CSMD1: variants seen among roughly 807,000 people sequenced by gnomAD.
CSMD1 encodes CUB and Sushi multiple domains 1.
In CSMD1, 213 loss-of-function variants were observed where a neutral mutation model predicts 417.5. The ratio of observed to expected loss-of-function variants is 0.51; its 90% CI spans 0.46 to 0.57. The LOEUF (loss-of-function observed/expected upper bound fraction) is 0.57. Ranked by LOEUF, CSMD1 falls within the 20% of genes least tolerant of loss-of-function variation. The pLI, the probability that CSMD1 is intolerant of heterozygous loss-of-function variation, is 0.00. For synonymous variants in CSMD1, 2,862 were observed against 1,736.8 expected, an observed-to-expected ratio of 1.65 and a Z score of -16.11; for missense variants, 6,923 against 4,529.7, an observed-to-expected ratio of 1.53 and a Z score of -15.17.
chr8:4,195,729 A>G (rs1799298350), intron 3 of CSMD1, among the ~76,000 whole-genome samples: 2 of 152,210 alleles, frequency 1.3e-5, no homozygotes, highest in East Asian at 1.9e-4. Context: ...CCCAGACAGC[A>G]AAACGTCGGG....
At chr8:3,370,380 C>CG (rs1189228993) in intron 18 of CSMD1, among the ~76,000 whole-genome samples, 1 of 152,174 alleles carries the variant, frequency 6.6e-6, no homozygotes. Context: ...CCATGTGCTC[C>CG]GGGTCTTGCT....
At chr8:4,203,456 TTTC>T (rs1270104669) in intron 3 of CSMD1, among the ~76,000 whole-genome samples, 1 of 152,192 alleles carries the variant, frequency 6.6e-6, no homozygotes, top group East Asian at 1.9e-4. Flanking sequence ...CCAATGTGCT[TTTC>T]TTCTTTCTAT....
intron 3 of CSMD1, among the ~76,000 whole-genome samples, chr8:4,317,484 T>A (rs1320585607): frequency 1.3e-5 from 2 of 152,194 alleles, no homozygotes; most frequent in East Asian, 1.9e-4. Flanking sequence ...GGCATGTACA[T>A]GCACAATCAC....
At chr8:3,925,812 G>A (rs1287620583) in intron 5 of CSMD1, among the ~76,000 whole-genome samples, 1 of 151,944 alleles carries the variant, frequency 6.6e-6, no homozygotes, top group African/African-American at 2.4e-5. Flanking sequence ...TTTATCAGCA[G>A]CATTAAAACC....
Position 4,328,242 on chromosome 8 carries a change from ATTTTTTT to A in CSMD1, c.415+91704_415+91710del, listed in dbSNP as rs3067534. ...ACCCAATTACATTGCACTCAATACA[ATTTTTTT>A]TTTTTTTTTTTTTTTTGAGAGGAAT... On this transcript the variant is annotated intron_variant, in intron 3 of 69. Coordinates refer to ENST00000635120, the MANE Select transcript of CSMD1 (RefSeq NM_033225.6). 4.6e-3 allele frequency among the ~76,000 whole-genome samples: 570 copies of A among 124,700 alleles called. 2 individuals are homozygous for A. Among genetic ancestry groups the A allele is most frequent in the African/African-American group, 0.011 (359 of 32,118 alleles). 81.8% of individuals were successfully genotyped at this position (124,700 alleles called of 152,430 possible).
chr8:3,396,138 T>G, intron 17 of CSMD1, 56 bp downstream of exon 17: 1 of 1,450,598 alleles, frequency 6.9e-7, no homozygotes, highest in South Asian at 1.2e-5. Context: ...AACCCAGATC[T>G]TTAGTTCTCC....
At chr8:3,642,998 AAT>A (rs1797381649) in intron 7 of CSMD1, among the ~76,000 whole-genome samples, 1 of 152,140 alleles carries the variant, frequency 6.6e-6, no homozygotes, top group South Asian at 2.1e-4. Context: ...AATTAAAAAA[AAT>A]AGATGTAAGA....
Position 4,566,380 on chromosome 8 carries a change from G to T in CSMD1, c.302+70962C>A, listed in dbSNP as rs144988781. Among the ~76,000 whole-genome samples the T allele has an allele frequency of 6.7e-3, 1,018 of 152,224 alleles. 4 individuals are homozygous for T. Among genetic ancestry groups the T allele is most frequent in the Non-Finnish European group, 9.2e-3 (624 of 68,004 alleles). On this transcript the variant is annotated intron_variant, in intron 2 of 69. Coordinates refer to ENST00000635120, the MANE Select transcript of CSMD1 (RefSeq NM_033225.6). ...TTATAAGAAATTTAGTTGGCCGGGC[G>T]TGGTGGCTCATGCCTGTAATCCCAT... is the stretch of plus-strand genomic sequence containing the variant.
intron 8 of CSMD1, among the ~76,000 whole-genome samples, chr8:3,589,579 A>G (rs573589020): frequency 5.3e-5 from 8 of 152,298 alleles, no homozygotes; most frequent in South Asian, 4.2e-4. Flanking sequence ...TGGAAAAAAT[A>G]GAACTCCCAG....
chr8:3,692,524 C>G (rs920373759), intron 7 of CSMD1, among the ~76,000 whole-genome samples: 1 of 152,016 alleles, frequency 6.6e-6, no homozygotes, highest in Non-Finnish European at 1.5e-5. Flanking sequence ...TCACTACAAC[C>G]TTCACATCCT....
In CSMD1 at chr8:3,915,309, G is replaced by C. The variant is rs1228872272; in HGVS notation, c.818+82594C>G. ...TAGTCTCAGCTATTCAGGAGTCTAA[G>C]GCAGGAGAATCATTTGAACCCAGGA... On this transcript the variant is annotated intron_variant, in intron 5 of 69. Coordinates refer to ENST00000635120, the MANE Select transcript of CSMD1 (RefSeq NM_033225.6). Among the ~76,000 whole-genome samples, 11 of 150,454 alleles carry C rather than the reference G, an allele frequency of 7.3e-5. No individual in the cohort carries two copies. In the South Asian group the frequency reaches 2.3e-3, roughly 32 times the overall value.
chr8:4,831,990 T>C (rs957115991), intron 1 of CSMD1, among the ~76,000 whole-genome samples: 2 of 152,206 alleles, frequency 1.3e-5, no homozygotes, highest in African/African-American at 4.8e-5. Flanking sequence ...AAATTCCCAC[T>C]GCACACATAG....
chr8:4,477,076 A>C (rs150745922), intron 2 of CSMD1, among the ~76,000 whole-genome samples: 137 of 152,252 alleles, frequency 9.0e-4, no homozygotes, highest in Non-Finnish European at 1.6e-3. Flanking sequence ...TGTCAGGGAG[A>C]GGGAAGAGCA....
intron 3 of CSMD1, among the ~76,000 whole-genome samples, chr8:4,379,492 G>T (rs778608084): frequency 4.6e-5 from 7 of 152,252 alleles, no homozygotes; most frequent in Admixed American, 3.3e-4. Context: ...ATTGCATTCT[G>T]GTTAATGTTA....
At chr8:3,756,756 C>T (rs1392491762) in intron 5 of CSMD1, among the ~76,000 whole-genome samples, 4 of 152,030 alleles carry the variant, frequency 2.6e-5, no homozygotes, top group Non-Finnish European at 5.9e-5. Context: ...TTTTCTCACT[C>T]GCATTACTTA....
At chr8:4,905,770 A>G (rs1405691103) in intron 1 of CSMD1, among the ~76,000 whole-genome samples, 2 of 144,682 alleles carry the variant, frequency 1.4e-5, no homozygotes, top group Non-Finnish European at 3.0e-5. Context: ...CAGTGAGCCG[A>G]GATTGTGCCA....
intron 7 of CSMD1, among the ~76,000 whole-genome samples, chr8:3,643,577 T>C (rs984406383): frequency 6.6e-6 from 1 of 151,784 alleles, no homozygotes; most frequent in East Asian, 1.9e-4. Flanking sequence ...GGCGGGCGCC[T>C]GTAGTCCCAA....
chr8:3,980,622 T>C (rs1380263128), intron 5 of CSMD1, among the ~76,000 whole-genome samples: 1 of 152,198 alleles, frequency 6.6e-6, no homozygotes, highest in African/African-American at 2.4e-5. Context: ...AATGATGCCT[T>C]ACTTTTTGCT....
In CSMD1 at chr8:3,289,502, G is replaced by C. The variant is rs185587340; in HGVS notation, c.3951-5156C>G. ...TCCAGCACCTGTTTTTTCCTGACTT[G>C]TTAATGATCGCCATTCTAACTGGTG... On this transcript the variant is annotated intron_variant, in intron 25 of 69. Coordinates refer to ENST00000635120, the MANE Select transcript of CSMD1 (RefSeq NM_033225.6). 1.4e-5 allele frequency among the ~76,000 whole-genome samples: 2 copies of C among 146,268 alleles called. 1 individual carries two copies. Among genetic ancestry groups the C allele is most frequent in the African/African-American group, 5.5e-5 (2 of 36,562 alleles).
Sources: allele counts gnomAD v4.1 joint callset (sites outside exome capture counted in the v4.1 genomes callset), GRCh38; gene constraint gnomAD v4.1.1; transcripts MANE v1.5; gene names NCBI Gene and HGNC (gene_info 2026-07-23, HGNC 2026-07-21).